The following SLC7A5 variants were observed in gnomAD, a reference collection of about 807,000 sequenced individuals.
The protein encoded by SLC7A5 is solute carrier family 7 member 5.
Under a neutral mutation model 50.2 loss-of-function variants are expected in SLC7A5, and 23 were observed. That is an observed-to-expected ratio of 0.46 (90% CI 0.33 to 0.65). SLC7A5 has a LOEUF of 0.65. Ranked by LOEUF, SLC7A5 falls within the 30% of genes least tolerant of loss-of-function variation. The probability of loss-of-function intolerance (pLI) is 0.02; values close to 1 mark genes in which losing one functional copy is unlikely to be tolerated. For synonymous variants in SLC7A5, 393 were observed against 330.6 expected (o/e 1.19, Z -2.05); for missense variants, 578 against 684.4 (o/e 0.84, Z 1.73).
rs140344473 is a variant in SLC7A5, at chr16:87,860,986, C to T, written c.538+7899G>A. On this transcript the variant is annotated intron_variant, in intron 1 of 9. Transcript: ENST00000261622. This position sits in a 1 kb window ranked among gnomAD's most constrained non-coding sequence, Gnocchi z 4.8. ...CCTTCCAGAGGGAGAATTCAGGATT[C>T]GGCCAGTATCAGGGAAGGAGACGCT... is the stretch of plus-strand genomic sequence containing the variant. Among the ~76,000 whole-genome samples, 1,458 of 152,314 alleles carry T rather than the reference C, an allele frequency of 9.6e-3. 21 individuals carry two copies. The highest frequency in any genetic ancestry group is 0.029 in the African/African-American group (1,213 of 41,578).
chr16:87,840,559 G>A, intron 3 of SLC7A5, 86 bp from the exon 4 acceptor site: 2 of 1,184,812 alleles, frequency 1.7e-6, no homozygotes, highest in South Asian at 1.2e-5. Context: ...AGGGCAGCTG[G>A]TGAGCCTGCC....
chr16:87,851,301 C>T (rs1042190524), intron 2 of SLC7A5, among the ~76,000 whole-genome samples: 5 of 152,078 alleles, frequency 3.3e-5, no homozygotes, highest in Admixed American at 6.5e-5. Flanking sequence ...ATGGCCCCGT[C>T]GGGGGTGGGT....
intron 1 of SLC7A5, among the ~76,000 whole-genome samples, chr16:87,854,792 G>A (rs569909205): frequency 6.6e-6 from 1 of 152,340 alleles, no homozygotes; most frequent in Non-Finnish European, 1.5e-5. Context: ...TGTCTTCCCC[G>A]TCCTCACCTG....
At chr16:87,848,211 CT>C (rs1051348020) in intron 2 of SLC7A5, among the ~76,000 whole-genome samples, 1 of 152,184 alleles carries the variant, frequency 6.6e-6, no homozygotes, top group East Asian at 1.9e-4. Flanking sequence ...TTTATGCAAC[CT>C]TTTTTTTAAA....
At position 87,860,341 on chromosome 16, in the gene SLC7A5, T is replaced by TATATAC. The variant is rs1240902402; in HGVS notation, c.539-8493_539-8492insGTATAT. Among the ~76,000 whole-genome samples the TATATAC allele has an allele frequency of 1.2e-5, 1 of 86,200 alleles. No individual in the cohort carries two copies. The highest frequency in any genetic ancestry group is 1.4e-4 in the Admixed American group (1 of 7,094). The allele number at this position is 86,200 out of a possible 152,430, so 56.6% of individuals were successfully genotyped here. A position where few individuals can be genotyped will look rare whatever the true frequency, so the allele number is the denominator to read the frequency against. Reference sequence around the variant, plus strand: ...AAAGCATCTCAAAAAAAAAAAAAAATACACACACACACACACACACACACA... The same window carrying TATATAC: ...AAAGCATCTCAAAAAAAAAAAAAAATATATACACACACACACACACACACACACACA... On this transcript the variant is annotated intron_variant, in intron 1 of 9. Transcript: ENST00000261622. The surrounding 1 kb of genome is among the most constrained non-coding windows in gnomAD (Gnocchi z 4.8).
At chr16:87,844,400 C>T (rs546894549) in intron 2 of SLC7A5, among the ~76,000 whole-genome samples, 1 of 152,192 alleles carries the variant, frequency 6.6e-6, no homozygotes, top group South Asian at 2.1e-4. Flanking sequence ...GAAAAGTGGC[C>T]TTGATCCCTG....
At chr16:87,850,459 A>T (rs1243382502) in intron 2 of SLC7A5, among the ~76,000 whole-genome samples, 1 of 152,170 alleles carries the variant, frequency 6.6e-6, no homozygotes, top group Non-Finnish European at 1.5e-5. Context: ...GCCATGTGGG[A>T]CCAGGCAGCC....
chr16:87,837,703 C>T (rs1055182048), intron 7 of SLC7A5, 142 bp downstream of exon 7: 68 of 659,744 alleles, frequency 1.0e-4, no homozygotes, highest in South Asian at 4.5e-4. Flanking sequence ...CTCTGGCATT[C>T]AGCGGAGCTC....
At chr16:87,867,584 G>T (rs1306393072) in intron 1 of SLC7A5, among the ~76,000 whole-genome samples, 2 of 151,920 alleles carry the variant, frequency 1.3e-5, no homozygotes, top group Admixed American at 6.6e-5. Flanking sequence ...GTACGGTGTG[G>T]CAGAAAACAG....
chr16:87,847,004 C>T (rs1286859013), intron 2 of SLC7A5, among the ~76,000 whole-genome samples: 1 of 152,214 alleles, frequency 6.6e-6, no homozygotes. Context: ...CATCTAGCAC[C>T]TGCCCTTGCC....
At chr16:87,856,037 G>A (rs1217667328) in intron 1 of SLC7A5, among the ~76,000 whole-genome samples, 1 of 152,160 alleles carries the variant, frequency 6.6e-6, no homozygotes, top group Non-Finnish European at 1.5e-5. Flanking sequence ...GTAAGTGGGA[G>A]TACCCAGTGA....
intron 1 of SLC7A5, among the ~76,000 whole-genome samples, chr16:87,854,476 A>C (rs552644385): frequency 2.0e-5 from 3 of 152,198 alleles, no homozygotes; most frequent in Non-Finnish European, 4.4e-5. Flanking sequence ...CAGTCACAGG[A>C]TAAGTCTGGG....
chr16:87,838,577 G>C lies in SLC7A5; in HGVS notation c.1043+137C>G. On this transcript the variant is annotated intron_variant, in intron 6 of 9. Transcript: ENST00000261622. ...TAAAGTGCTGGGATTACAGGTATGA[G>C]CCACCATGCCTGGCCTATTTGAGCA... The C allele has an allele frequency of 5.4e-6, 4 of 740,742 alleles. No homozygotes were observed. In the South Asian group the frequency reaches 5.8e-5, roughly 11 times the overall value. The allele number at this position is 740,742 out of a possible 1,614,324, so 45.9% of individuals were successfully genotyped here.
At position 87,832,524 on chromosome 16, in the gene SLC7A5, A is replaced by G. The variant is rs1204888108; in HGVS notation, c.*446T>C. The G allele has an allele frequency of 6.5e-6, 1 of 153,432 alleles. No individual in the cohort carries two copies. Among genetic ancestry groups the G allele is most frequent in the African/African-American group, 2.4e-5 (1 of 41,358 alleles). 9.5% of individuals were successfully genotyped at this position (153,432 alleles called of 1,614,324 possible). On this transcript the variant is annotated 3_prime_UTR_variant, in exon 10 of 10. Transcript: ENST00000261622. This position sits in a 1 kb window ranked among gnomAD's most constrained non-coding sequence, Gnocchi z 4.6. ...CTGGGCAGCTGTCCGGCTTCAGTGC[A>G]AGTCTGTGGTAGCAATGAGGTTCCA...
intron 1 of SLC7A5, among the ~76,000 whole-genome samples, chr16:87,865,529 TG>T (rs1168881302): frequency 3.3e-5 from 5 of 151,742 alleles, no homozygotes; most frequent in Non-Finnish European, 7.4e-5. Context: ...GCCAACATGG[TG>T]AAGCCCCGTC....
intron 7 of SLC7A5, 77 bp downstream of exon 7, chr16:87,837,768 A>G: frequency 8.3e-7 from 1 of 1,207,022 alleles, no homozygotes; most frequent in Non-Finnish European, 1.2e-6. Flanking sequence ...CAGAGCTGCA[A>G]GCTGTGGCAG....
At chr16:87,850,757 G>C (rs763514774) in intron 2 of SLC7A5, among the ~76,000 whole-genome samples, 38 of 152,216 alleles carry the variant, frequency 2.5e-4, no homozygotes, top group Non-Finnish European at 3.7e-4. Flanking sequence ...CAAGGACAGT[G>C]TGTCCCAGGG....
At chr16:87,858,968 C>A (rs1433430594) in intron 1 of SLC7A5, among the ~76,000 whole-genome samples, 1 of 152,238 alleles carries the variant, frequency 6.6e-6, no homozygotes, top group Non-Finnish European at 1.5e-5. Context: ...TGAGCAGGAC[C>A]TGAAGCCATC....
Position 87,869,359 on chromosome 16 carries a change from C to A in SLC7A5, c.64G>T (p.Ala22Ser). 1.2e-6 allele frequency: 2 copies of A among 1,607,940 alleles called. No individual in the cohort carries two copies. The highest frequency in any genetic ancestry group is 1.7e-6 in the Non-Finnish European group (2 of 1,178,342). ...TTGGCGGCCAGCATCTTCTCCCGCG[C>A]CTCTTCCTTCTCCTCGGCCGCCGGC... ...AAPAAEEKEE[A>S]REKMLAAKSA... Residue 22 changes from alanine (A) to serine (S), a missense_variant, in exon 1 of 10, where the codon GCG becomes TCG. Ala to Ser is a moderately conservative substitution (Grantham distance 99). Around this residue, in one of 2 missense-constraint regions of SLC7A5, gnomAD observed 113 missense variants for 89.8 expected, o/e 1.26. Coordinates refer to ENST00000261622, the MANE Select transcript of SLC7A5 (RefSeq NM_003486.7).
Sources: allele counts gnomAD v4.1 joint callset (sites outside exome capture counted in the v4.1 genomes callset), GRCh38; gene constraint gnomAD v4.1.1; regional missense constraint gnomAD v4.1.1; non-coding constraint Gnocchi (gnomAD v3.1); transcripts MANE v1.5; gene names NCBI Gene and HGNC (gene_info 2026-07-23, HGNC 2026-07-21).